Variants in CLTCL1 observed in about 807,000 individuals in gnomAD.
The protein encoded by CLTCL1 is clathrin heavy chain 2.
A neutral mutation model predicts 190.0 loss-of-function variants in CLTCL1; 159 were observed. The ratio of observed to expected loss-of-function variants is 0.84; its 90% confidence interval spans 0.74 to 0.95. CLTCL1 has a LOEUF of 0.95. CLTCL1 is among the 40% of genes least tolerant of loss of function. CLTCL1 has a pLI of 0.00. For missense variants in CLTCL1, 1,878 were observed against 2,033.4 expected, an observed-to-expected ratio of 0.92 and a Z score of 1.47; for synonymous variants, 752 against 769.6, an observed-to-expected ratio of 0.98 and a Z score of 0.38.
At chr22:19,209,350 G>A (rs1490551023) in intron 20 of CLTCL1, 1 of 419,294 alleles carries the variant, frequency 2.4e-6, no homozygotes. Context: ...GAGGCACAGA[G>A]ATGGAGATAG....
chr22:19,214,072 T>C (rs2085312948), intron 19 of CLTCL1, among the ~76,000 whole-genome samples: 1 of 152,244 alleles, frequency 6.6e-6, no homozygotes. Flanking sequence ...TGGATCGCTC[T>C]TAGAGCTTTG....
intron 1 of CLTCL1, among the ~76,000 whole-genome samples, chr22:19,279,870 T>C (rs1555985485): frequency 6.6e-6 from 1 of 152,204 alleles, no homozygotes. Flanking sequence ...CAAAAGACTC[T>C]TGGAATGAGG....
chr22:19,287,406 G>C (rs1406943927), intron 1 of CLTCL1, among the ~76,000 whole-genome samples: 1 of 152,196 alleles, frequency 6.6e-6, no homozygotes, highest in South Asian at 2.1e-4. Context: ...AGAGGGGTGA[G>C]AGGAGAATGT....
intron 13 of CLTCL1, among the ~76,000 whole-genome samples, chr22:19,224,554 C>T (rs900291511): frequency 5.9e-5 from 9 of 152,268 alleles, no homozygotes; most frequent in African/African-American, 1.9e-4. Context: ...CTCATCATTA[C>T]AGAGGCCAGC....
At chr22:19,200,230 T>G (rs2084838513) in intron 23 of CLTCL1, among the ~76,000 whole-genome samples, 1 of 152,172 alleles carries the variant, frequency 6.6e-6, no homozygotes, top group African/African-American at 2.4e-5. Flanking sequence ...GTTTTAATAG[T>G]TTTTTAGACT....
chr22:19,258,758 C>G, intron 2 of CLTCL1: 2 of 691,190 alleles, frequency 2.9e-6, no homozygotes, highest in Non-Finnish European at 5.3e-6. Flanking sequence ...GGATAGTGGA[C>G]GGCAAAGTGG....
intron 10 of CLTCL1, among the ~76,000 whole-genome samples, chr22:19,230,283 T>C (rs1478201651): frequency 1.3e-5 from 2 of 152,088 alleles, no homozygotes; most frequent in African/African-American, 4.8e-5. Flanking sequence ...TTTCTATTTT[T>C]AGTAGAGACA....
chr22:19,222,950 G>T, intron 14 of CLTCL1, 141 bp from the exon 15 acceptor site: 1 of 996,990 alleles, frequency 1.0e-6, no homozygotes, highest in Non-Finnish European at 1.4e-6. Context: ...GCTCTAAATA[G>T]GCTGTCGTTT....
At chr22:19,218,098 G>A (rs1555950541) in intron 18 of CLTCL1, among the ~76,000 whole-genome samples, 1 of 152,098 alleles carries the variant, frequency 6.6e-6, no homozygotes, top group South Asian at 2.1e-4. Flanking sequence ...GTTGAATTTC[G>A]CACCAGGAGG....
chr22:19,214,012 C>T (rs114089492), intron 19 of CLTCL1, among the ~76,000 whole-genome samples: 58 of 152,248 alleles, frequency 3.8e-4, no homozygotes, highest in African/African-American at 1.4e-3. Flanking sequence ...CTACTGCTAT[C>T]TGGTATTCCA....
intron 26 of CLTCL1, among the ~76,000 whole-genome samples, chr22:19,192,967 C>A (rs1252682343): frequency 6.6e-6 from 1 of 152,150 alleles, no homozygotes; most frequent in Non-Finnish European, 1.5e-5. Context: ...CAACTAGACA[C>A]TGAAGAAGCA....
Position 19,187,637 on chromosome 22 carries a change from C to T in CLTCL1, c.4526G>A (p.Cys1509Tyr), listed in dbSNP as rs782067048. ...GCCCTTGTACAGATAGGCCGCAATGCACCTGAACTCCATCAGCTGATGCTT... is the reference window on the plus strand; with the variant it reads ...GCCCTTGTACAGATAGGCCGCAATGTACCTGAACTCCATCAGCTGATGCTT... The part of the protein sequence containing the change: ...LEKHQLMEFR[C>Y]IAAYLYKGNN... Residue 1509 changes from cysteine (C) to tyrosine (Y), a missense_variant, in exon 29 of 33, where the codon TGC becomes TAC. Transcript: ENST00000427926. The T allele has an allele frequency of 6.2e-7, 1 of 1,613,784 alleles. No homozygotes were observed.
intron 1 of CLTCL1, among the ~76,000 whole-genome samples, chr22:19,283,274 T>A (rs1273633768): frequency 4.6e-5 from 7 of 151,514 alleles, no homozygotes; most frequent in Admixed American, 2.6e-4. Flanking sequence ...TTTAAAAAAA[T>A]TTTCTTTCTT....
At chr22:19,237,913 A>G (rs1021540982) in intron 5 of CLTCL1, among the ~76,000 whole-genome samples, 93 of 152,306 alleles carry the variant, frequency 6.1e-4, no homozygotes, top group African/African-American at 2.1e-3. Context: ...ACATTTATTG[A>G]TATTATTAGA....
At chr22:19,233,085 T>C in intron 9 of CLTCL1, 81 bp downstream of exon 9, 2 of 1,434,394 alleles carry the variant, frequency 1.4e-6, no homozygotes, top group Non-Finnish European at 1.9e-6. Flanking sequence ...CAAAGAAGGG[T>C]ATTTTATAAA....
intron 23 of CLTCL1, among the ~76,000 whole-genome samples, chr22:19,200,132 T>C (rs1185301390): frequency 6.6e-6 from 1 of 152,144 alleles, no homozygotes; most frequent in African/African-American, 2.4e-5. Context: ...CATGCTGGAA[T>C]TTCAGGTTTG....
chr22:19,193,739 C>T (rs782560478), intron 26 of CLTCL1, among the ~76,000 whole-genome samples: 74 of 152,170 alleles, frequency 4.9e-4, no homozygotes, highest in Non-Finnish European at 6.6e-4. Flanking sequence ...TGTTACAGCT[C>T]TTAAAGATGT....
At chr22:19,195,441 C>A (rs563081273) in intron 26 of CLTCL1, among the ~76,000 whole-genome samples, 36 of 152,302 alleles carry the variant, frequency 2.4e-4, no homozygotes, top group African/African-American at 8.7e-4. Context: ...AGCACACGTG[C>A]CACTCGCGCC....
At chr22:19,246,595 G>C (rs2086428092) in intron 3 of CLTCL1, among the ~76,000 whole-genome samples, 1 of 152,046 alleles carries the variant, frequency 6.6e-6, no homozygotes, top group Non-Finnish European at 1.5e-5. Context: ...TCCTGCCTCA[G>C]CCTCCGGAGT....
Sources: gnomAD v4.1 joint callset for allele counts (sites outside exome capture counted in the v4.1 genomes callset) on GRCh38, gnomAD v4.1.1 for gene constraint, MANE v1.5 for transcripts, NCBI Gene and HGNC (gene_info 2026-07-23, HGNC 2026-07-21) for gene names.